Variants in PRRX1 observed in about 807,000 individuals in gnomAD.
The protein encoded by PRRX1 is paired mesoderm homeobox protein 1.
In PRRX1, 8 loss-of-function variants were observed where a neutral mutation model predicts 24.0. The ratio of observed to expected loss-of-function variants is 0.33; its 90% confidence interval spans 0.20 to 0.60. The LOEUF (loss-of-function observed/expected upper bound fraction) is 0.60. Ranked by LOEUF, PRRX1 falls within the 20% of genes least tolerant of loss-of-function variation. The pLI, the probability that PRRX1 is intolerant of heterozygous loss-of-function variation, is 0.82. For missense variants in PRRX1, 281 were observed against 322.4 expected, an observed-to-expected ratio of 0.87 and a Z score of 0.98; for synonymous variants, 160 against 131.7, an observed-to-expected ratio of 1.22 and a Z score of -1.47.
chr1:170,685,717 G>C (rs1653707728), intron 1 of PRRX1, among the ~76,000 whole-genome samples: 1 of 151,744 alleles, frequency 6.6e-6, no homozygotes, highest in Admixed American at 6.6e-5. Flanking sequence ...TGGAGGAAAA[G>C]TTATACATGG....
chr1:170,706,786 A>G (rs896224839), intron 1 of PRRX1, among the ~76,000 whole-genome samples: 14 of 152,196 alleles, frequency 9.2e-5, no homozygotes, highest in African/African-American at 3.4e-4. Flanking sequence ...TCATGGCCAG[A>G]AAAGCTTAGT....
intron 1 of PRRX1, among the ~76,000 whole-genome samples, chr1:170,702,606 C>T (rs1654420915): frequency 6.6e-6 from 1 of 152,090 alleles, no homozygotes; most frequent in South Asian, 2.1e-4. Flanking sequence ...GTAACTAGTT[C>T]CCAGGATTGA....
At chr1:170,686,876 A>C (rs914888876) in intron 1 of PRRX1, among the ~76,000 whole-genome samples, 3 of 152,182 alleles carry the variant, frequency 2.0e-5, no homozygotes, top group Admixed American at 2.0e-4. Context: ...CAGAACTATA[A>C]TAACATTGGT....
chr1:170,716,876 C>T (rs1654923157), intron 1 of PRRX1, among the ~76,000 whole-genome samples: 1 of 152,108 alleles, frequency 6.6e-6, no homozygotes, highest in Non-Finnish European at 1.5e-5. Flanking sequence ...CATTTGTAAA[C>T]CTCTACAGTG....
intron 3 of PRRX1, chr1:170,730,193 C>G: frequency 8.8e-7 from 1 of 1,139,364 alleles, no homozygotes; most frequent in Non-Finnish European, 1.3e-6. Context: ...CTTCTCCTCC[C>G]CTCATTTGAT....
At chr1:170,701,315 T>C (rs7539534) in intron 1 of PRRX1, among the ~76,000 whole-genome samples, 7,018 of 152,300 alleles carry the variant, frequency 0.046, 233 homozygotes, top group Middle Eastern at 0.12. Flanking sequence ...GTGGGAAAGA[T>C]TGACCTTTCA....
intron 1 of PRRX1, among the ~76,000 whole-genome samples, chr1:170,665,306 T>A (rs752295135): frequency 1.3e-5 from 2 of 152,110 alleles, no homozygotes; most frequent in African/African-American, 4.8e-5. Flanking sequence ...CCCTTCCCCA[T>A]CCTCACCGAC....
chr1:170,680,545 T>C (rs571515111), intron 1 of PRRX1, among the ~76,000 whole-genome samples: 1 of 152,352 alleles, frequency 6.6e-6, no homozygotes, highest in East Asian at 1.9e-4. Flanking sequence ...CAGTTAGCTC[T>C]TGTTTATTTT....
chr1:170,689,832 CTCTCTCCCT>C, intron 1 of PRRX1, among the ~76,000 whole-genome samples: 1 of 61,558 alleles, frequency 1.6e-5, no homozygotes, highest in Non-Finnish European at 3.4e-5. Flanking sequence ...CTCTCTCTCT[CTCTCTCCCT>C]CTCTCTCTCT....
intron 3 of PRRX1, among the ~76,000 whole-genome samples, chr1:170,729,774 G>T (rs1055942939): frequency 6.6e-6 from 1 of 152,210 alleles, no homozygotes; most frequent in Non-Finnish European, 1.5e-5. Flanking sequence ...GGACACTGTT[G>T]TCCTGGCAGG....
At chr1:170,718,374 A>G (rs1385608149) in intron 1 of PRRX1, among the ~76,000 whole-genome samples, 1 of 152,210 alleles carries the variant, frequency 6.6e-6, no homozygotes, top group African/African-American at 2.4e-5. Context: ...TCTGTACACA[A>G]ATCTAGATCA....
At chr1:170,678,947 C>T (rs116000650) in intron 1 of PRRX1, among the ~76,000 whole-genome samples, 2,632 of 152,256 alleles carry the variant, frequency 0.017, 31 homozygotes, top group Non-Finnish European at 0.028. Flanking sequence ...TCAGAATCTC[C>T]AAAGTATATG....
chr1:170,691,622 A>G (rs1194929284), intron 1 of PRRX1, among the ~76,000 whole-genome samples: 1 of 146,722 alleles, frequency 6.8e-6, no homozygotes, highest in Non-Finnish European at 1.5e-5. Context: ...TATTTCAGAT[A>G]TATTGTTGTG....
In PRRX1 at chr1:170,737,965, A is replaced by G. The variant is rs1187359709; in HGVS notation, c.*1779A>G. ...ACGGTACCTGAAAGCCTTGTTTTCT[A>G]GTAAGAAAATGCTACCTTGCTGTAC... is the stretch of plus-strand genomic sequence containing the variant. On this transcript the variant is annotated 3_prime_UTR_variant, in exon 4 of 4. Transcript: ENST00000239461. 4.6e-6 allele frequency: 1 copy of G among 218,040 alleles called. No individual in the cohort carries two copies. Among genetic ancestry groups the G allele is most frequent in the Non-Finnish European group, 9.2e-6 (1 of 108,220 alleles). 13.5% of individuals were successfully genotyped at this position (218,040 alleles called of 1,614,324 possible).
Position 170,737,561 on chromosome 1 carries a change from A to T in PRRX1, c.*1375A>T, listed in dbSNP as rs1380929932. ...TAGCAGGAATATGAAAGAAAGGCACATGTTTAAGAGGAATACCTAAAGGTT... is the reference window on the plus strand; with the variant it reads ...TAGCAGGAATATGAAAGAAAGGCACTTGTTTAAGAGGAATACCTAAAGGTT... On this transcript the variant is annotated 3_prime_UTR_variant, in exon 4 of 4. Transcript: ENST00000239461. The T allele has an allele frequency of 4.7e-6, 1 of 210,992 alleles. No homozygotes were observed. Among genetic ancestry groups the T allele is most frequent in the African/African-American group, 2.3e-5 (1 of 44,072 alleles). The allele number at this position is 210,992 out of a possible 1,614,324, so 13.1% of individuals were successfully genotyped here. A position where few individuals can be genotyped will look rare whatever the true frequency, so the allele number is the denominator to read the frequency against.
At chr1:170,685,812 A>G (rs1463017319) in intron 1 of PRRX1, among the ~76,000 whole-genome samples, 1 of 152,150 alleles carries the variant, frequency 6.6e-6, no homozygotes, top group Non-Finnish European at 1.5e-5. Context: ...TGGATTTTTC[A>G]TATCTAGCAA....
chr1:170,667,561 G>A (rs1209067781), intron 1 of PRRX1: 1 of 152,180 alleles, frequency 6.6e-6, no homozygotes, highest in African/African-American at 2.4e-5. Flanking sequence ...AGTCAGGACA[G>A]CTGGGCCTCC....
chr1:170,684,108 CATG>C (rs1288749082), intron 1 of PRRX1, among the ~76,000 whole-genome samples: 1 of 152,200 alleles, frequency 6.6e-6, no homozygotes, highest in African/African-American at 2.4e-5. Context: ...TCATATTCAG[CATG>C]ATTTTAACAT....
At chr1:170,699,341 A>G (rs1017560737) in intron 1 of PRRX1, among the ~76,000 whole-genome samples, 1 of 151,942 alleles carries the variant, frequency 6.6e-6, no homozygotes, top group African/African-American at 2.4e-5. Context: ...TTATTTTACA[A>G]AACCCTTTCA....
Sources: allele counts gnomAD v4.1 joint callset (sites outside exome capture counted in the v4.1 genomes callset), GRCh38; gene constraint gnomAD v4.1.1; transcripts MANE v1.5; gene names NCBI Gene and HGNC (gene_info 2026-07-23, HGNC 2026-07-21).